EFNA5: variants seen among roughly 807,000 people sequenced by gnomAD.
The protein encoded by EFNA5 is ephrin-A5.
Under a neutral mutation model 22.9 loss-of-function variants are expected in EFNA5, and 5 were observed. The ratio of observed to expected loss-of-function variants is 0.22; its 90% CI spans 0.11 to 0.46. EFNA5 has a LOEUF of 0.46. Ranked by LOEUF, EFNA5 falls within the 20% of genes least tolerant of loss-of-function variation. The pLI is 0.99. For synonymous variants in EFNA5, 113 were observed against 112.2 expected, an observed-to-expected ratio of 1.01 and a Z score of -0.04; for missense variants, 237 against 293.3, an observed-to-expected ratio of 0.81 and a Z score of 1.40.
chr5:107,496,054 G>A (rs763085907), intron 1 of EFNA5, among the ~76,000 whole-genome samples: 5 of 151,712 alleles, frequency 3.3e-5, no homozygotes, highest in East Asian at 3.9e-4. Context: ...AGGCTGGCGC[G>A]GTGGCTCATG....
chr5:107,607,308 C>T (rs2112517543), intron 1 of EFNA5, among the ~76,000 whole-genome samples: 1 of 152,336 alleles, frequency 6.6e-6, no homozygotes. Context: ...CACACTCGCA[C>T]ACACTTAAAT....
chr5:107,417,592 A>G (rs1481394522), intron 2 of EFNA5, among the ~76,000 whole-genome samples: 5 of 152,208 alleles, frequency 3.3e-5, no homozygotes, highest in African/African-American at 1.2e-4. Context: ...TAATAAAGAA[A>G]GAGAAAACAG....
At chr5:107,462,194 G>A (rs1749851783) in intron 1 of EFNA5, among the ~76,000 whole-genome samples, 1 of 152,092 alleles carries the variant, frequency 6.6e-6, no homozygotes, top group African/African-American at 2.4e-5. Context: ...AAAGAGTGAA[G>A]AACTGAGAAA....
intron 1 of EFNA5, among the ~76,000 whole-genome samples, chr5:107,609,503 T>C (rs1316832091): frequency 6.6e-6 from 1 of 151,992 alleles, no homozygotes; most frequent in East Asian, 1.9e-4. Flanking sequence ...AGAAAAATAA[T>C]TCCTAAGCAG....
chr5:107,412,417 G>A (rs1748393689), intron 2 of EFNA5, among the ~76,000 whole-genome samples: 2 of 152,094 alleles, frequency 1.3e-5, no homozygotes, highest in African/African-American at 4.8e-5. Flanking sequence ...AAGCACTTTG[G>A]CAGTCAATCT....
intron 1 of EFNA5, among the ~76,000 whole-genome samples, chr5:107,588,157 G>A (rs527975591): frequency 3.9e-4 from 60 of 152,116 alleles, no homozygotes; most frequent in African/African-American, 1.4e-3. Context: ...CCCATTATCT[G>A]GAAAGAGTGT....
At chr5:107,662,496 G>A (rs1477829197) in intron 1 of EFNA5, among the ~76,000 whole-genome samples, 4 of 152,018 alleles carry the variant, frequency 2.6e-5, no homozygotes. Context: ...AAGTTTATTA[G>A]GTCACTTGGT....
chr5:107,443,752 C>A (rs989918497), intron 1 of EFNA5, among the ~76,000 whole-genome samples: 2 of 152,086 alleles, frequency 1.3e-5, no homozygotes, highest in Non-Finnish European at 2.9e-5. Flanking sequence ...GGAAAAGTAC[C>A]TAATGCATGC....
chr5:107,492,117 G>A (rs952696806), intron 1 of EFNA5, among the ~76,000 whole-genome samples: 4 of 152,124 alleles, frequency 2.6e-5, no homozygotes, highest in Non-Finnish European at 4.4e-5. Flanking sequence ...TTACAGGTAT[G>A]AGCCACCACC....
At chr5:107,533,975 T>C (rs933234452) in intron 1 of EFNA5, among the ~76,000 whole-genome samples, 1 of 152,220 alleles carries the variant, frequency 6.6e-6, no homozygotes, top group African/African-American at 2.4e-5. Context: ...GCTTTCCATA[T>C]CTGGATTTCC....
chr5:107,470,965 T>C (rs1304001231), intron 1 of EFNA5, among the ~76,000 whole-genome samples: 8 of 152,208 alleles, frequency 5.3e-5, no homozygotes, highest in Non-Finnish European at 1.5e-5. Context: ...TGATGATTTC[T>C]TTCTTGATAT....
intron 1 of EFNA5, among the ~76,000 whole-genome samples, chr5:107,653,723 C>G (rs774113341): frequency 1.3e-5 from 2 of 152,174 alleles, no homozygotes. Flanking sequence ...ATTTTCAATA[C>G]TAATTAGCAA....
intron 1 of EFNA5, among the ~76,000 whole-genome samples, chr5:107,573,214 A>C (rs1748854795): frequency 1.3e-5 from 2 of 151,990 alleles, no homozygotes; most frequent in African/African-American, 4.8e-5. Flanking sequence ...TCAACTTCAA[A>C]CACAGAGGAC....
intron 4 of EFNA5, among the ~76,000 whole-genome samples, chr5:107,384,712 A>T (rs989062739): frequency 1.3e-5 from 2 of 150,974 alleles, no homozygotes; most frequent in Non-Finnish European, 2.9e-5. Flanking sequence ...CCTGGGCTTA[A>T]GCAATCCTCC....
chr5:107,512,078 C>T (rs977331994), intron 1 of EFNA5, among the ~76,000 whole-genome samples: 1 of 152,292 alleles, frequency 6.6e-6, no homozygotes, highest in Admixed American at 6.5e-5. Context: ...TGTTTTACTT[C>T]CTTTCGAAAG....
intron 1 of EFNA5, among the ~76,000 whole-genome samples, chr5:107,514,810 C>G (rs976373524): frequency 3.3e-5 from 5 of 152,180 alleles, no homozygotes; most frequent in African/African-American, 1.2e-4. Flanking sequence ...TTCCTTACTT[C>G]ACTGACTTAA....
intron 2 of EFNA5, among the ~76,000 whole-genome samples, chr5:107,396,276 T>C (rs1747921950): frequency 6.6e-6 from 1 of 152,228 alleles, no homozygotes; most frequent in Non-Finnish European, 1.5e-5. Context: ...TGACTTATTT[T>C]GTGGTTTTGA....
Position 107,670,821 on chromosome 5 carries a change from G to C in EFNA5, c.-208C>G, listed in dbSNP as rs1751184670. ...GAGAAGAAAAGAAGGCGGTGGGATG[G>C]GGGGTGATAAAGACAAACTCGCACC... On this transcript the variant is annotated 5_prime_UTR_variant, in exon 1 of 5. Coordinates refer to ENST00000333274, the MANE Select transcript of EFNA5 (RefSeq NM_001962.3). The C allele has an allele frequency of 1.6e-6, 1 of 629,152 alleles. No homozygotes were observed. Among genetic ancestry groups the C allele is most frequent in the Non-Finnish European group, 2.7e-6 (1 of 373,038 alleles). The allele number at this position is 629,152 out of a possible 1,614,324, so 39.0% of individuals were successfully genotyped here.
At chr5:107,433,158 C>A (rs1326774965) in intron 1 of EFNA5, among the ~76,000 whole-genome samples, 7 of 152,160 alleles carry the variant, frequency 4.6e-5, no homozygotes, top group African/African-American at 1.7e-4. Flanking sequence ...CAACTACATG[C>A]AGGGCCAGTG....
Sources: gnomAD v4.1 joint callset for allele counts (sites outside exome capture counted in the v4.1 genomes callset) on GRCh38, gnomAD v4.1.1 for gene constraint, MANE v1.5 for transcripts, NCBI Gene and HGNC (gene_info 2026-07-23, HGNC 2026-07-21) for gene names.